The following PRMT3 variants were observed in gnomAD, a reference collection of about 807,000 sequenced individuals.
The protein encoded by PRMT3 is protein arginine N-methyltransferase 3.
Under a neutral mutation model 71.9 loss-of-function variants are expected in PRMT3, and 62 were observed. The ratio of observed to expected loss-of-function variants is 0.86; its 90% confidence interval spans 0.70 to 1.07. PRMT3 has a LOEUF of 1.07. PRMT3 is among the 50% of genes least tolerant of loss of function. The pLI is 0.00. For synonymous variants in PRMT3, 213 were observed against 220.4 expected, an observed-to-expected ratio of 0.97 and a Z score of 0.30; for missense variants, 663 against 643.0, an observed-to-expected ratio of 1.03 and a Z score of -0.34.
intron 15 of PRMT3, among the ~76,000 whole-genome samples, chr11:20,507,735 G>T (rs1851625820): frequency 6.6e-6 from 1 of 151,868 alleles, no homozygotes; most frequent in South Asian, 2.1e-4. Flanking sequence ...AACTGGGATT[G>T]TACCACTGCA....
chr11:20,503,170 GT>G (rs1851499069), intron 15 of PRMT3, among the ~76,000 whole-genome samples: 1 of 151,346 alleles, frequency 6.6e-6, no homozygotes, highest in Non-Finnish European at 1.5e-5. Context: ...ATTTTTTATA[GT>G]CACATCTGTC....
At chr11:20,453,065 T>C (rs1850185277) in intron 11 of PRMT3, among the ~76,000 whole-genome samples, 1 of 152,152 alleles carries the variant, frequency 6.6e-6, no homozygotes. Flanking sequence ...CAGAATACAG[T>C]TGGTAAAACT....
chr11:20,405,997 G>C (rs1352883680), intron 8 of PRMT3: 1 of 152,078 alleles, frequency 6.6e-6, no homozygotes, highest in Admixed American at 6.6e-5. Context: ...GGAAATCACT[G>C]TTCTACTTTC....
At chr11:20,410,565 T>C (rs112434849) in intron 9 of PRMT3, among the ~76,000 whole-genome samples, 2 of 152,208 alleles carry the variant, frequency 1.3e-5, no homozygotes, top group African/African-American at 4.8e-5. Context: ...TTTAAAAATA[T>C]TATTTAAAGA....
chr11:20,503,616 C>G (rs1851509409), intron 15 of PRMT3, among the ~76,000 whole-genome samples: 1 of 150,802 alleles, frequency 6.6e-6, no homozygotes, highest in African/African-American at 2.4e-5. Context: ...AGCATGTACT[C>G]TAGCTTTCTT....
At chr11:20,389,636 C>G (rs1848668794) in intron 2 of PRMT3, 108 bp from the exon 3 acceptor site, 3 of 642,406 alleles carry the variant, frequency 4.7e-6, no homozygotes, top group Non-Finnish European at 7.4e-6. Flanking sequence ...GGAAGTAAAA[C>G]TAGAAACCAG....
rs549546540 is a variant in PRMT3 at position 20,485,042 on chromosome 11, G to A, written c.1348-8877G>A. On this transcript the variant is annotated intron_variant, in intron 13 of 15. Transcript: ENST00000331079. ...CTCACGTGGATAGGAATACAAAGTG[G>A]GACCCTAATAGTTTTGCAGGACTTT... Among the ~76,000 whole-genome samples, 7 of 152,212 alleles carry A rather than the reference G, an allele frequency of 4.6e-5. No homozygotes were observed. In the South Asian group the frequency reaches 1.0e-3, roughly 23 times the overall value.
chr11:20,493,630 T>G (rs1441262512), intron 13 of PRMT3, among the ~76,000 whole-genome samples: 1 of 150,980 alleles, frequency 6.6e-6, no homozygotes, highest in Non-Finnish European at 1.5e-5. Context: ...TGAGTCTCTC[T>G]CTCCATGTGT....
intron 11 of PRMT3, among the ~76,000 whole-genome samples, chr11:20,460,463 T>A (rs1850358084): frequency 6.6e-6 from 1 of 151,032 alleles, no homozygotes; most frequent in Admixed American, 6.6e-5. Context: ...CATGTAACAC[T>A]TACCTTCTTG....
At chr11:20,493,825 G>A (rs1395754384) in intron 13 of PRMT3, 94 bp from the exon 14 acceptor site, 8 of 830,972 alleles carry the variant, frequency 9.6e-6, no homozygotes, top group Non-Finnish European at 9.5e-6. Flanking sequence ...CTCTGAAATG[G>A]TTTATCATTT....
chr11:20,508,289 G>A lies in PRMT3; in HGVS notation c.1487-15G>A. On this transcript the variant is annotated splice_polypyrimidine_tract_variant and intron_variant, in intron 15 of 15. Coordinates refer to ENST00000331079, the MANE Select transcript of PRMT3 (RefSeq NM_005788.4). Reference sequence around the variant, plus strand: ...ATTCCTTGAATTCTTAACAATTTTTGCCTTTGTTTTACAGGTGAAGCCTTG... The same window carrying A: ...ATTCCTTGAATTCTTAACAATTTTTACCTTTGTTTTACAGGTGAAGCCTTG... 6.7e-7 allele frequency: 1 copy of A among 1,488,434 alleles called. No homozygotes were observed. The highest frequency in any genetic ancestry group is 1.1e-5 in the South Asian group (1 of 87,106). The allele number at this position is 1,488,434 out of a possible 1,614,324, so 92.2% of individuals were successfully genotyped here. A position where few individuals can be genotyped will look rare whatever the true frequency, so the allele number is the denominator to read the frequency against.
At chr11:20,397,757 A>G (rs1848859799) in intron 7 of PRMT3, 36 bp downstream of exon 7, 1 of 1,603,562 alleles carries the variant, frequency 6.2e-7, no homozygotes, top group Non-Finnish European at 8.5e-7. Flanking sequence ...AATCCATACT[A>G]AAGGAAAAAT....
chr11:20,435,689 T>C (rs1480349624), intron 10 of PRMT3, among the ~76,000 whole-genome samples: 1 of 152,178 alleles, frequency 6.6e-6, no homozygotes, highest in Non-Finnish European at 1.5e-5. Context: ...TATTCAGTTA[T>C]TTTGGTCTAT....
intron 9 of PRMT3, among the ~76,000 whole-genome samples, chr11:20,420,551 G>T (rs189214225): frequency 6.6e-6 from 1 of 152,096 alleles, no homozygotes; most frequent in African/African-American, 2.4e-5. Flanking sequence ...GATTGCAGGC[G>T]CTATTGTGAA....
At chr11:20,398,997 T>C (rs1302858220) in intron 7 of PRMT3, among the ~76,000 whole-genome samples, 1 of 152,240 alleles carries the variant, frequency 6.6e-6, no homozygotes, top group Non-Finnish European at 1.5e-5. Flanking sequence ...TTGATAATTA[T>C]ACATTTTATT....
intron 13 of PRMT3, among the ~76,000 whole-genome samples, chr11:20,468,847 A>G (rs1280094986): frequency 1.1e-4 from 17 of 152,068 alleles, no homozygotes; most frequent in Admixed American, 1.1e-3. Flanking sequence ...AGAACCTTTC[A>G]TGAAAAACAT....
At chr11:20,500,278 G>GAT (rs759658877) in intron 15 of PRMT3, among the ~76,000 whole-genome samples, 12 of 152,150 alleles carry the variant, frequency 7.9e-5, no homozygotes, top group Non-Finnish European at 1.5e-4. Context: ...ATAATGGAGA[G>GAT]ATATACTCTG....
At chr11:20,445,240 T>A (rs1392347954) in intron 10 of PRMT3, among the ~76,000 whole-genome samples, 1 of 152,154 alleles carries the variant, frequency 6.6e-6, no homozygotes, top group Non-Finnish European at 1.5e-5. Flanking sequence ...TCTTTTTAGC[T>A]TGTGATTATT....
chr11:20,444,869 CTT>C (rs1849988560), intron 10 of PRMT3, among the ~76,000 whole-genome samples: 1 of 151,996 alleles, frequency 6.6e-6, no homozygotes, highest in Non-Finnish European at 1.5e-5. Flanking sequence ...GTCTCTTTCT[CTT>C]TTCAGTTCTG....
Sources: allele counts gnomAD v4.1 joint callset (sites outside exome capture counted in the v4.1 genomes callset), GRCh38; gene constraint gnomAD v4.1.1; transcripts MANE v1.5; gene names NCBI Gene and HGNC (gene_info 2026-07-23, HGNC 2026-07-21).